Variants in WWOX observed in about 807,000 individuals in gnomAD.
The protein encoded by WWOX is WW domain-containing oxidoreductase.
WWOX carries 69 observed loss-of-function variants against 46.2 expected under a neutral mutation model. The observed-to-expected ratio is 1.49, with a 90% CI of 1.23 to 1.82. The LOEUF (loss-of-function observed/expected upper bound fraction) is 1.82. Ranked by LOEUF, WWOX falls within the 40% of genes most tolerant of loss-of-function variation. The pLI is 0.00. For missense variants in WWOX, 919 were observed against 542.6 expected (o/e 1.69, Z -6.89); for synonymous variants, 359 against 202.6 (o/e 1.77, Z -6.56).
intron 8 of WWOX, among the ~76,000 whole-genome samples, chr16:78,771,077 A>C (rs1469319403): frequency 6.6e-6 from 1 of 152,218 alleles, no homozygotes; most frequent in African/African-American, 2.4e-5. Context: ...CCGGCATGGC[A>C]TGCAAGTAAG....
At chr16:79,042,291 G>C (rs2047986304) in intron 8 of WWOX, among the ~76,000 whole-genome samples, 1 of 152,100 alleles carries the variant, frequency 6.6e-6, no homozygotes, top group African/African-American at 2.4e-5. Flanking sequence ...ATTATGTCAT[G>C]GGTGGAAACA....
At chr16:78,831,209 C>G (rs1269445270) in intron 8 of WWOX, among the ~76,000 whole-genome samples, 2 of 139,326 alleles carry the variant, frequency 1.4e-5, no homozygotes, top group East Asian at 4.4e-4. Context: ...CTGTGACTTT[C>G]GAGGTCATGT....
intron 8 of WWOX, among the ~76,000 whole-genome samples, chr16:78,622,173 T>C (rs1025395845): frequency 6.6e-6 from 1 of 152,168 alleles, no homozygotes; most frequent in Non-Finnish European, 1.5e-5. Flanking sequence ...TTCTATCCTT[T>C]TTCTCTCCAT....
intron 8 of WWOX, among the ~76,000 whole-genome samples, chr16:78,910,986 A>G (rs978325200): frequency 6.6e-6 from 1 of 152,090 alleles, no homozygotes; most frequent in Non-Finnish European, 1.5e-5. Flanking sequence ...CACAATATAT[A>G]TGTGCAATTT....
At chr16:78,353,685 A>G (rs1480286024) in intron 5 of WWOX, among the ~76,000 whole-genome samples, 1 of 152,248 alleles carries the variant, frequency 6.6e-6, no homozygotes, top group African/African-American at 2.4e-5. Context: ...TCTGTCCTGA[A>G]GAACTGCAGT....
At chr16:79,173,571 A>T (rs1470664219) in intron 8 of WWOX, among the ~76,000 whole-genome samples, 1 of 151,868 alleles carries the variant, frequency 6.6e-6, no homozygotes, top group East Asian at 1.9e-4. Context: ...AGCTCACAAC[A>T]CTCACAGTCA....
intron 8 of WWOX, among the ~76,000 whole-genome samples, chr16:78,924,593 T>G (rs1177847632): frequency 6.6e-6 from 1 of 152,316 alleles, no homozygotes; most frequent in East Asian, 1.9e-4. Flanking sequence ...AAGCCAGTAT[T>G]GGTAAAAACA....
intron 8 of WWOX, among the ~76,000 whole-genome samples, chr16:78,504,418 T>C (rs1021465810): frequency 3.3e-5 from 5 of 152,218 alleles, no homozygotes; most frequent in African/African-American, 1.2e-4. Context: ...GCTTGATCTC[T>C]CAGAATGCGT....
At chr16:78,371,482 C>G (rs914589491) in intron 5 of WWOX, among the ~76,000 whole-genome samples, 4 of 152,096 alleles carry the variant, frequency 2.6e-5, no homozygotes, top group African/African-American at 4.8e-5. Flanking sequence ...GGTTTATACT[C>G]TTTTAATGGT....
intron 8 of WWOX, among the ~76,000 whole-genome samples, chr16:78,540,793 C>A (rs146263035): frequency 6.6e-6 from 1 of 152,146 alleles, no homozygotes; most frequent in Non-Finnish European, 1.5e-5. Context: ...CCCAAGCGAT[C>A]TTCCCACCTC....
chr16:79,062,052 C>T (rs950443118), intron 8 of WWOX, among the ~76,000 whole-genome samples: 4 of 152,086 alleles, frequency 2.6e-5, no homozygotes, highest in Admixed American at 2.0e-4. Flanking sequence ...CCCTTATCAG[C>T]AAAACTTCAG....
chr16:78,954,371 G>C (rs1358351076), intron 8 of WWOX, among the ~76,000 whole-genome samples: 1 of 152,166 alleles, frequency 6.6e-6, no homozygotes, highest in Non-Finnish European at 1.5e-5. Context: ...TGGATGCATG[G>C]ATGTTTGGGT....
intron 8 of WWOX, among the ~76,000 whole-genome samples, chr16:78,938,245 G>A (rs1004195750): frequency 1.1e-4 from 17 of 152,214 alleles, no homozygotes; most frequent in African/African-American, 4.1e-4. Context: ...TGAACTAGAG[G>A]TGAGGTGGGG....
intron 8 of WWOX, among the ~76,000 whole-genome samples, chr16:78,442,931 G>C (rs1052551172): frequency 4.6e-5 from 7 of 151,996 alleles, no homozygotes; most frequent in African/African-American, 1.7e-4. Flanking sequence ...GACCATCCTA[G>C]CTAACATGGT....
At chr16:78,659,388 C>G (rs1260738898) in intron 8 of WWOX, among the ~76,000 whole-genome samples, 2 of 152,114 alleles carry the variant, frequency 1.3e-5, no homozygotes, top group Non-Finnish European at 2.9e-5. Flanking sequence ...CATCTGGGAA[C>G]TTGTTAGATG....
At chr16:78,485,294 G>A (rs55962522) in intron 8 of WWOX, among the ~76,000 whole-genome samples, 22,133 of 152,018 alleles carry the variant, frequency 0.15, 1,859 homozygotes, top group African/African-American at 0.24. Context: ...CATGTTCATT[G>A]AAAATGATCT....
chr16:78,182,344 C>T (rs139346336), intron 5 of WWOX, among the ~76,000 whole-genome samples: 7 of 152,262 alleles, frequency 4.6e-5, no homozygotes, highest in African/African-American at 1.7e-4. Context: ...CCTGTCTAGG[C>T]TCCTGTCTGG....
chr16:78,521,813 G>T (rs144823917), intron 8 of WWOX, among the ~76,000 whole-genome samples: 114 of 151,796 alleles, frequency 7.5e-4, no homozygotes, highest in African/African-American at 2.6e-3. Context: ...AAGCCCATGT[G>T]AAAACACAGT....
intron 8 of WWOX, chr16:78,899,376 C>CT (rs1163530235): frequency 1.3e-5 from 2 of 152,162 alleles, no homozygotes; most frequent in African/African-American, 4.8e-5. Context: ...AACCTAACTC[C>CT]AAATCTTTGA....
Sources: allele counts gnomAD v4.1 joint callset (sites outside exome capture counted in the v4.1 genomes callset), GRCh38; gene constraint gnomAD v4.1.1; transcripts MANE v1.5; gene names NCBI Gene and HGNC (gene_info 2026-07-23, HGNC 2026-07-21).